COMMD10: variants seen among roughly 807,000 people sequenced by gnomAD.
COMMD10 encodes COMM domain-containing protein 10.
COMMD10 carries 33 observed loss-of-function variants against 28.9 expected under a neutral mutation model. The ratio of observed to expected loss-of-function variants is 1.14; its 90% CI spans 0.87 to 1.53. COMMD10 has a LOEUF of 1.53. Among genes scored for constraint, COMMD10 ranks in the 40% most tolerant of loss-of-function variants. The pLI, the probability that COMMD10 is intolerant of heterozygous loss-of-function variation, is 0.00. For synonymous variants in COMMD10, 110 were observed against 81.7 expected (o/e 1.35, Z -1.87); for missense variants, 310 against 233.4 (o/e 1.33, Z -2.14).
At chr5:116,226,435 G>C (rs1162652768) in intron 5 of COMMD10, among the ~76,000 whole-genome samples, 1 of 124,644 alleles carries the variant, frequency 8.0e-6, no homozygotes, top group East Asian at 2.4e-4. Context: ...TTTTTTTTGA[G>C]AACAGCAAAT....
intron 5 of COMMD10, among the ~76,000 whole-genome samples, chr5:116,196,722 C>T (rs973515052): frequency 2.8e-5 from 4 of 144,816 alleles, no homozygotes; most frequent in Non-Finnish European, 5.9e-5. Context: ...CACAGAAATA[C>T]TAACTATGTG....
intron 5 of COMMD10, chr5:116,218,374 G>T (rs533713693): frequency 3.6e-6 from 2 of 560,956 alleles, no homozygotes; most frequent in African/African-American, 1.9e-5. Flanking sequence ...GAGTCCAGGG[G>T]TCGTTCTTGC....
At chr5:116,106,262 C>G (rs1201619326) in intron 4 of COMMD10, among the ~76,000 whole-genome samples, 3 of 152,144 alleles carry the variant, frequency 2.0e-5, no homozygotes, top group Non-Finnish European at 4.4e-5. Context: ...CATTCAGCGG[C>G]AGGTTGTTCA....
At chr5:116,183,494 A>G (rs1009916091) in intron 5 of COMMD10, among the ~76,000 whole-genome samples, 5 of 152,136 alleles carry the variant, frequency 3.3e-5, no homozygotes, top group Admixed American at 3.3e-4. Flanking sequence ...AGGAGGACTT[A>G]AATAACCCAT....
chr5:116,235,099 A>G (rs1749627679), intron 5 of COMMD10, among the ~76,000 whole-genome samples: 1 of 152,162 alleles, frequency 6.6e-6, no homozygotes, highest in South Asian at 2.1e-4. Context: ...TTATATATAT[A>G]CTTTTACCAC....
At chr5:116,279,417 C>A (rs1192278544) in intron 5 of COMMD10, among the ~76,000 whole-genome samples, 4 of 151,748 alleles carry the variant, frequency 2.6e-5, no homozygotes, top group Non-Finnish European at 5.9e-5. Context: ...TTGCAGTTGT[C>A]CTTTTGTAAC....
intron 5 of COMMD10, among the ~76,000 whole-genome samples, chr5:116,282,563 C>T (rs112428033): frequency 0.065 from 9,834 of 151,808 alleles, 446 homozygotes; most frequent in Admixed American, 0.13. Context: ...CTTCCTAGGG[C>T]GACCATAACA....
chr5:116,171,198 A>G (rs571001982), intron 5 of COMMD10, among the ~76,000 whole-genome samples: 2 of 152,350 alleles, frequency 1.3e-5, no homozygotes, highest in South Asian at 2.1e-4. Context: ...AAAAGAAGAC[A>G]TTTATGCAGC....
At chr5:116,213,636 A>G (rs571474323) in intron 5 of COMMD10, among the ~76,000 whole-genome samples, 2 of 152,256 alleles carry the variant, frequency 1.3e-5, no homozygotes, top group South Asian at 4.1e-4. Flanking sequence ...GAAGTCTTTT[A>G]CATTGAGTTA....
At position 116,218,029 on chromosome 5, in the gene COMMD10, G is replaced by C. The variant is rs1749150245; in HGVS notation, c.511-73488G>C. The C allele has an allele frequency of 2.8e-6, 3 of 1,060,762 alleles. No homozygotes were observed. The African/African-American group carries it at 4.6e-5, about 16-fold the overall frequency. The allele number at this position is 1,060,762 out of a possible 1,614,324, so 65.7% of individuals were successfully genotyped here. A position where few individuals can be genotyped will look rare whatever the true frequency, so the allele number is the denominator to read the frequency against. On this transcript the variant is annotated intron_variant, in intron 5 of 6. Coordinates refer to ENST00000274458, the MANE Select transcript of COMMD10 (RefSeq NM_016144.4). ...TATCAAAAATGCACACACTTCTCTT[G>C]GCACCTCCAGCACCTTCAGCTTTCT...
chr5:116,186,574 TCTC>T (rs1212306239), intron 5 of COMMD10, among the ~76,000 whole-genome samples: 1 of 152,140 alleles, frequency 6.6e-6, no homozygotes, highest in Non-Finnish European at 1.5e-5. Context: ...CTGGCTGAGT[TCTC>T]CTACTTCATA....
At chr5:116,087,834 C>T (rs12517505) in intron 2 of COMMD10, among the ~76,000 whole-genome samples, 29,849 of 151,988 alleles carry the variant, frequency 0.2, 4,137 homozygotes, top group African/African-American at 0.39. Context: ...GGTATGTATT[C>T]GAGGGTGATT....
chr5:116,162,848 T>C (rs1415426598), intron 5 of COMMD10, among the ~76,000 whole-genome samples: 1 of 141,022 alleles, frequency 7.1e-6, no homozygotes, highest in East Asian at 2.1e-4. Context: ...GTAGTAGTTT[T>C]GGAACTATTT....
At chr5:116,127,729 G>T (rs183540361) in intron 4 of COMMD10, among the ~76,000 whole-genome samples, 390 of 152,256 alleles carry the variant, frequency 2.6e-3, no homozygotes, top group Non-Finnish European at 4.4e-3. Context: ...TGAACAATGA[G>T]AACACTTGGA....
At chr5:116,137,215 C>A (rs1004120203) in intron 5 of COMMD10, among the ~76,000 whole-genome samples, 7 of 151,860 alleles carry the variant, frequency 4.6e-5, no homozygotes, top group African/African-American at 1.5e-4. Flanking sequence ...TATGTGACTC[C>A]TGTTATTAAG....
At chr5:116,272,553 TTGCTCGTGAC>T (rs1750787944) in intron 5 of COMMD10, among the ~76,000 whole-genome samples, 1 of 151,830 alleles carries the variant, frequency 6.6e-6, no homozygotes, top group Admixed American at 6.6e-5. Flanking sequence ...GCCATAGCCT[TTGCTCGTGAC>T]TGGACCACTT....
At chr5:116,118,193 G>A (rs1224120315) in intron 4 of COMMD10, among the ~76,000 whole-genome samples, 1 of 152,116 alleles carries the variant, frequency 6.6e-6, no homozygotes, top group Non-Finnish European at 1.5e-5. Flanking sequence ...ATTTGTCAGT[G>A]AATCTTTCCC....
chr5:116,264,485 A>G (rs1344393980), intron 5 of COMMD10, among the ~76,000 whole-genome samples: 2 of 151,790 alleles, frequency 1.3e-5, no homozygotes, highest in East Asian at 3.9e-4. Flanking sequence ...CTTAGCATGC[A>G]AAGATTATAT....
chr5:116,285,835 G>C (rs1751205728), intron 5 of COMMD10, among the ~76,000 whole-genome samples: 1 of 151,828 alleles, frequency 6.6e-6, no homozygotes, highest in African/African-American at 2.4e-5. Context: ...TTTTCTTGTA[G>C]TGTCTTTGTC....
Sources: allele counts gnomAD v4.1 joint callset (sites outside exome capture counted in the v4.1 genomes callset), GRCh38; gene constraint gnomAD v4.1.1; transcripts MANE v1.5; gene names NCBI Gene and HGNC (gene_info 2026-07-23, HGNC 2026-07-21).